The following ZNF254 variants were observed in gnomAD, a reference collection of about 807,000 sequenced individuals.
ZNF254 encodes CTD-2017D11.1.
Under a neutral mutation model 12.4 loss-of-function variants are expected in ZNF254, and 10 were observed. The observed-to-expected ratio is 0.80, with a 90% confidence interval of 0.50 to 1.36. The LOEUF (loss-of-function observed/expected upper bound fraction) is 1.36, where lower values mean the gene tolerates loss of function less well. ZNF254 is among the 40% of genes most tolerant of loss of function. ZNF254 has a pLI of 0.00. For synonymous variants in ZNF254, 305 were observed against 253.4 expected, an observed-to-expected ratio of 1.20 and a Z score of -1.93; for missense variants, 996 against 763.9, an observed-to-expected ratio of 1.30 and a Z score of -3.58.
At chr19:24,086,696 C>T (rs534343526), upstream of ZNF254, among the ~76,000 whole-genome samples, 57 of 152,014 alleles carry the variant, frequency 3.7e-4, no homozygotes, top group Non-Finnish European at 4.9e-4. Context: ...AGGCTGGTCT[C>T]CAACACATGA....
At chr19:24,063,147 C>T (rs1182865710) in intron 2 of ZNF254, among the ~76,000 whole-genome samples, 2 of 152,162 alleles carry the variant, frequency 1.3e-5, no homozygotes, top group African/African-American at 2.4e-5. Context: ...ATGCACAAAT[C>T]CAGTCCACCA....
In ZNF254 at chr19:24,049,203, TATATA is replaced by T. The variant is rs1355216927; in HGVS notation, c.-94+2925_-94+2929del. On this transcript the variant is annotated intron_variant, in intron 2 of 4. Transcript: ENST00000613065. ...CTGGTTTTATATATATATATATATATATATATATATATTTTTTTTTTTTTTTTAAT... is the reference window on the plus strand; with the variant it reads ...CTGGTTTTATATATATATATATATATTATATATTTTTTTTTTTTTTTTAAT... 2.5e-3 allele frequency among the ~76,000 whole-genome samples: 170 copies of T among 68,466 alleles called. 2 individuals are homozygous for T. The highest frequency in any genetic ancestry group is 5.4e-3 in the South Asian group (10 of 1,848). The allele number at this position is 68,466 out of a possible 152,430, so 44.9% of individuals were successfully genotyped here.
chr19:24,058,377 G>A (rs1485564680), intron 2 of ZNF254, among the ~76,000 whole-genome samples: 1 of 151,144 alleles, frequency 6.6e-6, no homozygotes, highest in Non-Finnish European at 1.5e-5. Context: ...TTGCATCCAG[G>A]TGATGGGAGT....
intron 2 of ZNF254, among the ~76,000 whole-genome samples, chr19:24,053,712 C>A (rs1314602982): frequency 1.3e-5 from 2 of 152,164 alleles, no homozygotes; most frequent in African/African-American, 4.8e-5. Context: ...CTTGTTCTAA[C>A]ACCTCGATGA....
intron 2 of ZNF254, among the ~76,000 whole-genome samples, chr19:24,062,138 C>G (rs1476380571): frequency 6.6e-6 from 1 of 151,148 alleles, no homozygotes; most frequent in Non-Finnish European, 1.5e-5. Context: ...GGTGGTCTCT[C>G]TGTATGAAGG....
At chr19:24,069,121 C>T (rs1470322625) in intron 2 of ZNF254, among the ~76,000 whole-genome samples, 1 of 152,020 alleles carries the variant, frequency 6.6e-6, no homozygotes, top group African/African-American at 2.4e-5. Context: ...ATTCTCCTGC[C>T]TCAGCCTCCC....
Position 24,127,973 on chromosome 19 carries a change from A to C in ZNF254, c.1973A>C (p.Gln658Pro). Residue 658 changes from glutamine (Q) to proline (P), a missense_variant, in exon 4 of 4, where the codon CAA (glutamine) becomes CCA (proline). Coordinates refer to ENST00000357002, the MANE Select transcript of ZNF254 (RefSeq NM_203282.4). ...ATAACTCATTGGAGAGAAATCTTAC[A>C]AGTATGAATAATGTGCCAAAGCCTA... ...DKITHWREIL[Q>P]V 6.5e-7 allele frequency: 1 copy of C among 1,546,746 alleles called. No individual in the cohort carries two copies. Among genetic ancestry groups the C allele is most frequent in the Non-Finnish European group, 8.7e-7 (1 of 1,152,654 alleles).
intron 2 of ZNF254, among the ~76,000 whole-genome samples, chr19:24,065,238 G>A (rs1443837554): frequency 6.6e-6 from 1 of 152,176 alleles, no homozygotes; most frequent in Non-Finnish European, 1.5e-5. Context: ...GGAACCAGGT[G>A]TTTTGTCTAT....
intron 1 of ZNF254, among the ~76,000 whole-genome samples, chr19:24,097,829 T>A (rs545447884): frequency 4.7e-5 from 6 of 128,926 alleles, no homozygotes; most frequent in Non-Finnish European, 1.1e-4. Context: ...AAATAAAATA[T>A]ACAAGCAAAC....
intron 2 of ZNF254, chr19:24,065,798 G>T (rs572500984): frequency 6.6e-6 from 1 of 152,278 alleles, no homozygotes; most frequent in African/African-American, 2.4e-5. Flanking sequence ...CTTACCTGTT[G>T]TGGCACAATA....
chr19:24,063,271 C>T lies in ZNF254; in HGVS notation c.-94+16992C>T, dbSNP rs552121639. Among the ~76,000 whole-genome samples, 9 of 152,336 alleles carry T rather than the reference C, an allele frequency of 5.9e-5. 1 individual carries two copies. The South Asian group carries it at 1.7e-3, about 28-fold the overall frequency. ...CATCACAAGACCTTTCTACAAGTGT[C>T]ATGTGACATACATCTTAGCCCAGCA... On this transcript the variant is annotated intron_variant, in intron 2 of 4. Transcript: ENST00000613065.
intron 3 of ZNF254, among the ~76,000 whole-genome samples, chr19:24,110,176 A>T (rs1973580922): frequency 1.3e-5 from 2 of 152,136 alleles, no homozygotes; most frequent in Admixed American, 6.6e-5. Context: ...TTTTAAAAAG[A>T]TGTATAATTC....
intron 2 of ZNF254, among the ~76,000 whole-genome samples, chr19:24,072,955 TGTG>T (rs1252925201): frequency 6.6e-6 from 1 of 152,222 alleles, no homozygotes; most frequent in Non-Finnish European, 1.5e-5. Flanking sequence ...AGCTCACAGT[TGTG>T]GTGATGACAC....
intron 1 of ZNF254, chr19:24,105,135 T>C (rs1322748067): frequency 6.3e-6 from 1 of 157,550 alleles, no homozygotes; most frequent in Non-Finnish European, 1.4e-5. Flanking sequence ...GCAGTTGATG[T>C]TGATGCTAAT....
chr19:24,046,075 A>C (rs1447377263), intron 1 of ZNF254: 1 of 152,052 alleles, frequency 6.6e-6, no homozygotes, highest in Non-Finnish European at 1.5e-5. Context: ...TTTGGGGAAT[A>C]ATTTTTAAAA....
chr19:24,088,033 A>G (rs1375141550), intron 1 of ZNF254, among the ~76,000 whole-genome samples: 1 of 150,034 alleles, frequency 6.7e-6, no homozygotes, highest in Non-Finnish European at 1.5e-5. Context: ...CTCCTGCCTC[A>G]GCCTCCCTAG....
intron 3 of ZNF254, among the ~76,000 whole-genome samples, chr19:24,108,254 C>G (rs956682558): frequency 4.6e-5 from 7 of 152,186 alleles, no homozygotes; most frequent in Non-Finnish European, 8.8e-5. Flanking sequence ...TGTATTTCTC[C>G]AGGCCTCTGG....
intron 3 of ZNF254, among the ~76,000 whole-genome samples, chr19:24,115,575 G>A (rs1287924878): frequency 1.3e-5 from 2 of 151,874 alleles, no homozygotes; most frequent in African/African-American, 2.4e-5. Context: ...CCTAGTGCTA[G>A]ATGACGAGTT....
chr19:24,097,390 T>C (rs1031043358), intron 1 of ZNF254, among the ~76,000 whole-genome samples: 2 of 152,200 alleles, frequency 1.3e-5, no homozygotes, highest in African/African-American at 4.8e-5. Flanking sequence ...GGCTGAATTA[T>C]AAAGATTAAA....
Sources: gnomAD v4.1 joint callset for allele counts (sites outside exome capture counted in the v4.1 genomes callset) on GRCh38, gnomAD v4.1.1 for gene constraint, MANE v1.5 for transcripts, NCBI Gene and HGNC (gene_info 2026-07-23, HGNC 2026-07-21) for gene names.